The following LRRC37A2 variants were observed in gnomAD, a reference collection of about 807,000 sequenced individuals.
The protein encoded by LRRC37A2 is leucine rich repeat containing 37 member A2, also known as leucine-rich repeat-containing protein 37A2.
Under a neutral mutation model 68.8 loss-of-function variants are expected in LRRC37A2, and 9 were observed. The observed-to-expected ratio is 0.13, with a 90% confidence interval of 0.08 to 0.23. The LOEUF (loss-of-function observed/expected upper bound fraction) is 0.23, where lower values mean the gene tolerates loss of function less well. Ranked by LOEUF, LRRC37A2 falls within the 10% of genes least tolerant of loss-of-function variation. The probability of loss-of-function intolerance (pLI) is 1.00; values close to 1 mark genes in which losing one functional copy is unlikely to be tolerated. For synonymous variants in LRRC37A2, 63 were observed against 367.6 expected (o/e 0.17, Z 9.48); for missense variants, 168 against 950.4 (o/e 0.18, Z 10.82).
chr17:46,855,338 G>A, the LRRC37A2 span, among the ~76,000 whole-genome samples: 6 of 152,320 alleles, frequency 3.9e-5, no homozygotes, highest in South Asian at 1.2e-3. Flanking sequence ...GTAGTGAGAC[G>A]GGTTGCACTG....
the LRRC37A2 span, chr17:46,936,838 A>C: frequency 1.0e-6 from 1 of 984,858 alleles, no homozygotes; most frequent in Non-Finnish European, 1.2e-6. Flanking sequence ...TTTGACTTGT[A>C]ATTTCTCTGG....
At chr17:46,851,098 G>A in the LRRC37A2 span, among the ~76,000 whole-genome samples, 1 of 151,766 alleles carries the variant, frequency 6.6e-6, no homozygotes, top group African/African-American at 2.4e-5. The surrounding 1 kb of genome is among the most constrained non-coding windows in gnomAD (Gnocchi z 4.3). Flanking sequence ...ACCCGGCCCT[G>A]CCCTGAGTCT....
the LRRC37A2 span, among the ~76,000 whole-genome samples, chr17:46,844,216 C>T: frequency 3.9e-5 from 6 of 152,040 alleles, no homozygotes; most frequent in African/African-American, 1.4e-4. Context: ...CTCAGTCTCC[C>T]AGAATGCTAG....
At chr17:46,891,913 C>CTTTT in the LRRC37A2 span, among the ~76,000 whole-genome samples, 7 of 117,304 alleles carry the variant, frequency 6.0e-5, no homozygotes, top group African/African-American at 1.4e-4. Context: ...CTTTTCTTTT[C>CTTTT]TTTTCTTTTT....
the LRRC37A2 span, among the ~76,000 whole-genome samples, chr17:46,901,363 T>C: frequency 6.6e-6 from 1 of 152,200 alleles, no homozygotes; most frequent in South Asian, 2.1e-4. Flanking sequence ...TGTTTCACCA[T>C]GTTGGCCAGG....
chr17:46,945,060 A>C, the LRRC37A2 span, among the ~76,000 whole-genome samples: 1 of 152,276 alleles, frequency 6.6e-6, no homozygotes, highest in East Asian at 1.9e-4. Flanking sequence ...TAGTGCGGCC[A>C]TTGTGGTGGG....
chr17:46,974,536 C>T, the LRRC37A2 span, among the ~76,000 whole-genome samples: 2 of 152,144 alleles, frequency 1.3e-5, no homozygotes, highest in Non-Finnish European at 2.9e-5. Context: ...AGATCGAGAG[C>T]ATCCTGGCTA....
At chr17:46,939,807 G>GT in the LRRC37A2 span, 1 of 988,196 alleles carries the variant, frequency 1.0e-6, no homozygotes, top group Non-Finnish European at 1.2e-6. Context: ...GATTCAGGCT[G>GT]TACTAATACC....
At chr17:46,932,653 C>G in the LRRC37A2 span, 3 of 258,362 alleles carry the variant, frequency 1.2e-5, no homozygotes, top group Non-Finnish European at 2.2e-5. Context: ...CTAGTCTGAG[C>G]AGCAATTTGG....
At chr17:47,002,963 T>C in the LRRC37A2 span, among the ~76,000 whole-genome samples, 1 of 151,964 alleles carries the variant, frequency 6.6e-6, no homozygotes. Flanking sequence ...GTATAAAAGC[T>C]CAAGGAAGCT....
At chr17:46,969,479 C>T in the LRRC37A2 span, among the ~76,000 whole-genome samples, 2 of 152,280 alleles carry the variant, frequency 1.3e-5, no homozygotes, top group South Asian at 2.1e-4. Context: ...GCACAGGACC[C>T]CAGCCCCACC....
At chr17:47,002,309 T>C in the LRRC37A2 span, among the ~76,000 whole-genome samples, 95 of 152,284 alleles carry the variant, frequency 6.2e-4, 1 homozygote, top group East Asian at 0.018. Flanking sequence ...TCATGGAAAG[T>C]GGGGTATCCA....
the LRRC37A2 span, among the ~76,000 whole-genome samples, chr17:46,992,628 G>A: frequency 6.6e-6 from 1 of 151,942 alleles, no homozygotes; most frequent in Non-Finnish European, 1.5e-5. Flanking sequence ...CGAGCTGGGA[G>A]GATCACCTGA....
chr17:46,985,370 A>C, the LRRC37A2 span, among the ~76,000 whole-genome samples: 61 of 152,178 alleles, frequency 4.0e-4, no homozygotes, highest in Admixed American at 1.0e-3. Context: ...ATATACAAAA[A>C]TTAGCTGGGC....
chr17:46,984,547 C>T, the LRRC37A2 span, among the ~76,000 whole-genome samples: 28 of 152,340 alleles, frequency 1.8e-4, no homozygotes, highest in African/African-American at 6.0e-4. Context: ...GCCATCTGGG[C>T]AGTCCGGCTG....
At chr17:46,704,936 A>G in the LRRC37A2 span, 72 of 1,383,714 alleles carry the variant, frequency 5.2e-5, no homozygotes, top group Non-Finnish European at 6.3e-5. Flanking sequence ...CCATTTACTC[A>G]GTATTATGGA....
chr17:47,033,004 C>T, the LRRC37A2 span, among the ~76,000 whole-genome samples: 282 of 152,082 alleles, frequency 1.9e-3, 1 homozygote, highest in East Asian at 6.8e-3. Flanking sequence ...ATCACTTGAG[C>T]TCAGAATTTC....
the LRRC37A2 span, among the ~76,000 whole-genome samples, chr17:46,945,766 C>G: frequency 6.6e-6 from 1 of 152,140 alleles, no homozygotes; most frequent in Non-Finnish European, 1.5e-5. Flanking sequence ...GGCAGAAGCT[C>G]AGGGAGTGGG....
chr17:46,699,431 T>G, the LRRC37A2 span, among the ~76,000 whole-genome samples: 1 of 152,290 alleles, frequency 6.6e-6, no homozygotes, highest in Middle Eastern at 3.4e-3. Context: ...ACACACACTT[T>G]CTCTCACATA....
Sources: gnomAD v4.1 joint callset for allele counts (sites outside exome capture counted in the v4.1 genomes callset) on GRCh38, gnomAD v4.1.1 for gene constraint, Gnocchi (gnomAD v3.1) non-coding constraint, MANE v1.5 for transcripts, NCBI Gene and HGNC (gene_info 2026-07-23, HGNC 2026-07-21) for gene names.